PTPRK: variants seen among roughly 807,000 people sequenced by gnomAD.
PTPRK encodes receptor-type tyrosine-protein phosphatase kappa.
PTPRK carries 75 observed loss-of-function variants against 178.0 expected under a neutral mutation model. The observed-to-expected ratio is 0.42, with a 90% CI of 0.35 to 0.51. The LOEUF is 0.51. Ranked by LOEUF, PTPRK falls within the 20% of genes least tolerant of loss-of-function variation. The pLI is 0.02. For missense variants in PTPRK, 1,441 were observed against 1,797.8 expected (o/e 0.80, Z 3.59); for synonymous variants, 637 against 620.6 (o/e 1.03, Z -0.39).
At chr6:128,359,965 G>A (rs1435237723) in intron 2 of PTPRK, among the ~76,000 whole-genome samples, 2 of 151,996 alleles carry the variant, frequency 1.3e-5, no homozygotes, top group African/African-American at 4.8e-5. Flanking sequence ...CACTGTATTA[G>A]TTCAATTCAC....
chr6:128,191,486 G>T (rs190649730), intron 6 of PTPRK, among the ~76,000 whole-genome samples: 204 of 151,922 alleles, frequency 1.3e-3, no homozygotes, highest in Non-Finnish European at 7.1e-4. Flanking sequence ...ATAAGTTTTG[G>T]AGGTCTACTA....
intron 13 of PTPRK, among the ~76,000 whole-genome samples, chr6:128,021,446 C>A (rs1256313748): frequency 6.6e-6 from 1 of 152,114 alleles, no homozygotes; most frequent in Non-Finnish European, 1.5e-5. Flanking sequence ...ACCATCCTGG[C>A]TAACACGGTG....
At chr6:128,082,344 G>T in intron 10 of PTPRK, 93 bp downstream of exon 10, 1 of 1,179,224 alleles carries the variant, frequency 8.5e-7, no homozygotes, top group South Asian at 1.3e-5. Flanking sequence ...CAAGCAAGAT[G>T]AACTACACTT....
At chr6:128,493,406 C>CA (rs1052224702) in intron 1 of PTPRK, among the ~76,000 whole-genome samples, 10 of 151,690 alleles carry the variant, frequency 6.6e-5, no homozygotes, top group Non-Finnish European at 8.8e-5. Context: ...ACTAAAAATA[C>CA]AAAAAATTAG....
intron 1 of PTPRK, among the ~76,000 whole-genome samples, chr6:128,406,829 A>T (rs549101009): frequency 6.6e-6 from 1 of 152,344 alleles, no homozygotes; most frequent in Non-Finnish European, 1.5e-5. Context: ...TATGGTTACC[A>T]TTTAGTGGAA....
intron 1 of PTPRK, among the ~76,000 whole-genome samples, chr6:128,410,196 A>G (rs1842144825): frequency 1.3e-5 from 2 of 152,204 alleles, no homozygotes; most frequent in African/African-American, 4.8e-5. Context: ...GTATTTGTCT[A>G]AGATTCTTTC....
intron 13 of PTPRK, among the ~76,000 whole-genome samples, chr6:128,044,882 A>G (rs143664638): frequency 2.0e-5 from 3 of 152,112 alleles, no homozygotes; most frequent in African/African-American, 7.2e-5. Context: ...CCCATCTGAA[A>G]TATAAGCTCC....
chr6:128,444,975 A>G (rs1449586644), intron 1 of PTPRK, among the ~76,000 whole-genome samples: 4 of 152,016 alleles, frequency 2.6e-5, no homozygotes, highest in Non-Finnish European at 5.9e-5. Context: ...TATATACAAT[A>G]CCATAAATAT....
chr6:128,413,392 A>C (rs929096624), intron 1 of PTPRK, among the ~76,000 whole-genome samples: 10 of 152,264 alleles, frequency 6.6e-5, no homozygotes, highest in African/African-American at 2.4e-4. Context: ...AAAATGAAAA[A>C]AAAAAATCAA....
At chr6:128,479,841 C>T (rs1157600889) in intron 1 of PTPRK, among the ~76,000 whole-genome samples, 2 of 152,110 alleles carry the variant, frequency 1.3e-5, no homozygotes, top group Non-Finnish European at 2.9e-5. Context: ...AAAATAAGCA[C>T]TCTATTCTTA....
At chr6:128,098,478 C>T (rs773688279) in intron 7 of PTPRK, among the ~76,000 whole-genome samples, 2 of 151,920 alleles carry the variant, frequency 1.3e-5, no homozygotes, top group East Asian at 1.9e-4. Context: ...CCAAGTTACC[C>T]GAGTCGTACC....
intron 3 of PTPRK, among the ~76,000 whole-genome samples, chr6:128,304,597 TA>T (rs1427770317): frequency 6.6e-6 from 1 of 152,154 alleles, no homozygotes; most frequent in African/African-American, 2.4e-5. Flanking sequence ...TTAGAGAAAA[TA>T]ATCATTAAAG....
At chr6:128,326,200 C>T (rs568021689) in intron 2 of PTPRK, among the ~76,000 whole-genome samples, 1 of 152,084 alleles carries the variant, frequency 6.6e-6, no homozygotes, top group African/African-American at 2.4e-5. Flanking sequence ...AGGAGAAATA[C>T]CTAATGTAGA....
chr6:128,322,986 C>T (rs982868447), intron 2 of PTPRK, among the ~76,000 whole-genome samples: 11 of 152,208 alleles, frequency 7.2e-5, no homozygotes, highest in African/African-American at 2.4e-4. Flanking sequence ...TGGAGTCTCA[C>T]CCACTAAGGT....
chr6:128,386,737 A>G (rs918080197), intron 2 of PTPRK, among the ~76,000 whole-genome samples: 2 of 152,154 alleles, frequency 1.3e-5, no homozygotes, highest in Non-Finnish European at 2.9e-5. Flanking sequence ...CTCCTACTAC[A>G]AGGCTCATGT....
At chr6:128,188,881 T>A (rs529981666) in intron 6 of PTPRK, among the ~76,000 whole-genome samples, 18 of 152,340 alleles carry the variant, frequency 1.2e-4, no homozygotes, top group African/African-American at 3.8e-4. Flanking sequence ...CTGCCTTCCA[T>A]ATGGATATGG....
intron 13 of PTPRK, among the ~76,000 whole-genome samples, chr6:128,040,942 A>G (rs949880571): frequency 5.3e-5 from 8 of 152,114 alleles, no homozygotes; most frequent in Non-Finnish European, 1.0e-4. Flanking sequence ...CAAAAACAGG[A>G]GGTGGCAAAT....
At chr6:128,488,134 C>T (rs970098614) in intron 1 of PTPRK, among the ~76,000 whole-genome samples, 1 of 152,140 alleles carries the variant, frequency 6.6e-6, no homozygotes, top group African/African-American at 2.4e-5. Context: ...TCTGAGAGCC[C>T]CTGGCAAATC....
chr6:128,428,239 A>AT (rs1032814586), intron 1 of PTPRK, among the ~76,000 whole-genome samples: 12 of 152,252 alleles, frequency 7.9e-5, no homozygotes, highest in Non-Finnish European at 1.8e-4. Context: ...GACCGAGTCC[A>AT]TTCTTCAACT....
Sources: allele counts gnomAD v4.1 joint callset (sites outside exome capture counted in the v4.1 genomes callset), GRCh38; gene constraint gnomAD v4.1.1; transcripts MANE v1.5; gene names NCBI Gene and HGNC (gene_info 2026-07-23, HGNC 2026-07-21).